Variants in CERS6 observed in about 807,000 individuals in gnomAD.
The protein encoded by CERS6 is LAG1 homolog, ceramide synthase 6.
Under a neutral mutation model 56.8 loss-of-function variants are expected in CERS6, and 26 were observed. That is an observed-to-expected ratio of 0.46 (90% CI 0.34 to 0.63). The LOEUF (loss-of-function observed/expected upper bound fraction) is 0.63, where lower values mean the gene tolerates loss of function less well. CERS6 is among the 30% of genes least tolerant of loss of function. The pLI is 0.01. For synonymous variants in CERS6, 164 were observed against 173.3 expected (o/e 0.95, Z 0.42); for missense variants, 415 against 467.5 (o/e 0.89, Z 1.04).
At chr2:168,466,908 A>G (rs1346481355) in intron 1 of CERS6, among the ~76,000 whole-genome samples, 3 of 152,258 alleles carry the variant, frequency 2.0e-5, no homozygotes, top group South Asian at 2.1e-4. Flanking sequence ...ACCTAAGAAT[A>G]ACATTTGTTT....
At chr2:168,507,737 T>A (rs1005780615) in intron 1 of CERS6, among the ~76,000 whole-genome samples, 6 of 152,218 alleles carry the variant, frequency 3.9e-5, no homozygotes, top group African/African-American at 1.4e-4. Context: ...TCAACTACCC[T>A]AAGATGATAG....
chr2:168,660,675 A>C (rs1685606638), intron 4 of CERS6, among the ~76,000 whole-genome samples: 1 of 151,746 alleles, frequency 6.6e-6, no homozygotes, highest in Non-Finnish European at 1.5e-5. Flanking sequence ...CAGTGCCATC[A>C]TTATCTTTGG....
At chr2:168,546,803 T>G (rs993715901) in intron 1 of CERS6, among the ~76,000 whole-genome samples, 10 of 152,326 alleles carry the variant, frequency 6.6e-5, no homozygotes, top group South Asian at 2.1e-4. Flanking sequence ...AACTTTTAAT[T>G]TTTTTTGTTT....
At chr2:168,606,890 T>C (rs1046007111) in intron 3 of CERS6, among the ~76,000 whole-genome samples, 33 of 152,306 alleles carry the variant, frequency 2.2e-4, no homozygotes, top group African/African-American at 7.7e-4. Context: ...CCCCTCTCTC[T>C]CTTGCTCCTG....
intron 3 of CERS6, among the ~76,000 whole-genome samples, chr2:168,593,812 TA>T (rs1683732597): frequency 6.6e-6 from 1 of 152,230 alleles, no homozygotes; most frequent in Non-Finnish European, 1.5e-5. Context: ...TAAGTTTGCA[TA>T]AAGTTTCTAG....
Position 168,605,017 on chromosome 2 carries a change from TC to T in CERS6, c.408-25966del, listed in dbSNP as rs535887158. ...TCTCAGAAGAAGCCCTCCAGACTGTTCCAATGTCTGCCCATTACCCAGTTCA... is the reference window on the plus strand; with the variant it reads ...TCTCAGAAGAAGCCCTCCAGACTGTTCAATGTCTGCCCATTACCCAGTTCA... On this transcript the variant is annotated intron_variant, in intron 3 of 9. Transcript: ENST00000305747. Among the ~76,000 whole-genome samples the T allele has an allele frequency of 3.9e-4, 59 of 152,266 alleles. 2 individuals carry two copies. In the East Asian group the frequency reaches 0.01, roughly 27 times the overall value.
chr2:168,509,884 G>C (rs1694748117), intron 1 of CERS6, among the ~76,000 whole-genome samples: 1 of 151,986 alleles, frequency 6.6e-6, no homozygotes, highest in Non-Finnish European at 1.5e-5. Flanking sequence ...AACACAGTCA[G>C]ACTCTGTCTC....
In CERS6 at chr2:168,773,336, C is replaced by T. The variant is rs1684914882; in HGVS notation, c.*3674C>T. On this transcript the variant is annotated 3_prime_UTR_variant, in exon 10 of 10. Coordinates refer to ENST00000305747, the MANE Select transcript of CERS6 (RefSeq NM_203463.3). The stretch of plus-strand genomic sequence containing the variant: ...GGTGATGTCATTATCTCCAGAGAGG[C>T]TTCAAGAAATCCTTTGGAAATAAAA... 6.6e-6 allele frequency: 1 copy of T among 152,202 alleles called. No individual in the cohort carries two copies. The highest frequency in any genetic ancestry group is 6.5e-5 in the Admixed American group (1 of 15,278). 9.4% of individuals were successfully genotyped at this position (152,202 alleles called of 1,614,324 possible).
At chr2:168,466,306 AGTC>A (rs1693873333) in intron 1 of CERS6, among the ~76,000 whole-genome samples, 1 of 152,220 alleles carries the variant, frequency 6.6e-6, no homozygotes, top group South Asian at 2.1e-4. Context: ...CTAGGATTAA[AGTC>A]AAGTCACCCT....
At chr2:168,662,127 CTT>C (rs71397658) in intron 4 of CERS6, among the ~76,000 whole-genome samples, 2 of 136,808 alleles carry the variant, frequency 1.5e-5, no homozygotes, top group Admixed American at 7.2e-5. Context: ...AAGGCTGTCT[CTT>C]TTTTTTTTTT....
intron 4 of CERS6, among the ~76,000 whole-genome samples, chr2:168,659,685 T>C (rs530376591): frequency 1.1e-4 from 16 of 152,214 alleles, no homozygotes; most frequent in Admixed American, 3.9e-4. Context: ...GTATTGTCTG[T>C]TTTTTGTTTT....
At chr2:168,470,407 T>C (rs1220090213) in intron 1 of CERS6, among the ~76,000 whole-genome samples, 1 of 152,042 alleles carries the variant, frequency 6.6e-6, no homozygotes, top group Non-Finnish European at 1.5e-5. Flanking sequence ...AGAAGCTTCC[T>C]TGGTGACTGA....
chr2:168,747,910 A>G (rs1452540213), intron 8 of CERS6, among the ~76,000 whole-genome samples: 1 of 152,186 alleles, frequency 6.6e-6, no homozygotes, highest in Admixed American at 6.5e-5. Context: ...AGTTCAGCCC[A>G]AAGACTTCAA....
intron 6 of CERS6, among the ~76,000 whole-genome samples, chr2:168,697,186 CCCTTAATATGGTATATATCAGCTGATT>C (rs1162216579): frequency 6.6e-6 from 1 of 152,138 alleles, no homozygotes; most frequent in Non-Finnish European, 1.5e-5. Flanking sequence ...GGCTACAGGG[CCCTTAATATGGTATATATCAGCTGATT>C]CTCAGAAGTA....
intron 3 of CERS6, among the ~76,000 whole-genome samples, chr2:168,575,425 GAAGTGCCACTT>G (rs1298826759): frequency 5.9e-5 from 9 of 151,844 alleles, no homozygotes; most frequent in Admixed American, 5.9e-4. Flanking sequence ...TGAGAGTGAG[GAAGTGCCACTT>G]CCTCACTCTC....
At chr2:168,669,461 A>G (rs6758101) in intron 4 of CERS6, among the ~76,000 whole-genome samples, 58,707 of 151,972 alleles carry the variant, frequency 0.39, 12,093 homozygotes, top group South Asian at 0.47. Context: ...AGTATGTTCA[A>G]CTTAATGTTG....
At chr2:168,645,164 G>T (rs1478453655) in intron 4 of CERS6, among the ~76,000 whole-genome samples, 35 of 121,510 alleles carry the variant, frequency 2.9e-4, no homozygotes, top group African/African-American at 7.7e-4. Flanking sequence ...GAGAGAGAGA[G>T]AGAGAGAGAG....
intron 1 of CERS6, among the ~76,000 whole-genome samples, chr2:168,520,976 A>G (rs192132387): frequency 7.1e-4 from 107 of 150,792 alleles, no homozygotes; most frequent in Middle Eastern, 3.5e-3. Flanking sequence ...CCTCCCTGCA[A>G]CATTAATATT....
chr2:168,673,551 C>T (rs1227427707), intron 4 of CERS6, among the ~76,000 whole-genome samples: 2 of 152,094 alleles, frequency 1.3e-5, no homozygotes, highest in Non-Finnish European at 2.9e-5. Flanking sequence ...TGAAGTAATT[C>T]TAGAAATTAT....
Sources: gnomAD v4.1 joint callset for allele counts (sites outside exome capture counted in the v4.1 genomes callset) on GRCh38, gnomAD v4.1.1 for gene constraint, MANE v1.5 for transcripts, NCBI Gene and HGNC (gene_info 2026-07-23, HGNC 2026-07-21) for gene names.